Variants in DCDC1 observed in about 807,000 individuals in gnomAD.
The protein encoded by DCDC1 is doublecortin domain containing 1.
DCDC1 carries 200 observed loss-of-function variants against 178.3 expected under a neutral mutation model. That is an observed-to-expected ratio of 1.12 (90% CI 1.00 to 1.26). The LOEUF is 1.26. Ranked by LOEUF, DCDC1 falls within the 50% of genes most tolerant of loss-of-function variation. The pLI is 0.00. For synonymous variants in DCDC1, 690 were observed against 604.8 expected (o/e 1.14, Z -2.07); for missense variants, 1,983 against 1,749.2 (o/e 1.13, Z -2.38).
At chr11:31,157,378 T>C (rs11031300) in intron 9 of DCDC1, among the ~76,000 whole-genome samples, 2 of 139,022 alleles carry the variant, frequency 1.4e-5, no homozygotes, top group African/African-American at 2.6e-5. Context: ...AAAAAATATA[T>C]ATATATATAC....
At chr11:31,141,038 G>C (rs185486937) in intron 9 of DCDC1, among the ~76,000 whole-genome samples, 5 of 152,214 alleles carry the variant, frequency 3.3e-5, no homozygotes, top group Admixed American at 6.5e-5. Context: ...GGACATCCTA[G>C]AGGGGAAAAT....
At chr11:30,938,562 G>T (rs1229499084) in intron 21 of DCDC1, among the ~76,000 whole-genome samples, 1 of 151,918 alleles carries the variant, frequency 6.6e-6, no homozygotes, top group Non-Finnish European at 1.5e-5. Context: ...CTTCTTTGAG[G>T]GGGAACATGG....
intron 8 of DCDC1, among the ~76,000 whole-genome samples, chr11:31,244,956 A>C (rs1412213726): frequency 6.6e-6 from 1 of 151,766 alleles, no homozygotes; most frequent in Non-Finnish European, 1.5e-5. Context: ...AGTGAGCATC[A>C]TAGGTAAACA....
rs773867458 is a variant in DCDC1, at chr11:31,305,652, C to T, written c.717G>A (p.Thr239=). The change falls in exon 6 of 39, where the codon ACG becomes ACA. Residue 239 remains threonine (T), a synonymous_variant. Coordinates refer to ENST00000684477, the MANE Select transcript of DCDC1 (RefSeq NM_001387274.1). Reference sequence around the variant, plus strand: ...TGAATGGATTTAAAAAGGGCTCTCCCGTTGAAACATAAACATCGGCTTCAT... The same window carrying T: ...TGAATGGATTTAAAAAGGGCTCTCCTGTTGAAACATAAACATCGGCTTCAT... ...IPHEADVYVS[T]GEPFLNPFKK... The T allele has an allele frequency of 7.4e-6, 12 of 1,613,586 alleles. No individual in the cohort carries two copies. The Admixed American group carries it at 1.2e-4, about 16-fold the overall frequency.
intron 23 of DCDC1, among the ~76,000 whole-genome samples, chr11:30,924,378 C>G (rs1946463139): frequency 6.6e-6 from 1 of 152,182 alleles, no homozygotes; most frequent in Non-Finnish European, 1.5e-5. Flanking sequence ...TATTTAGGTT[C>G]AGGGCCTCAG....
intron 7 of DCDC1, among the ~76,000 whole-genome samples, chr11:31,278,346 ACT>A (rs1946146155): frequency 6.6e-6 from 1 of 152,060 alleles, no homozygotes; most frequent in Non-Finnish European, 1.5e-5. Context: ...AAAAGGAGAA[ACT>A]CTTGTCATTT....
intron 20 of DCDC1, among the ~76,000 whole-genome samples, chr11:31,059,181 CA>C (rs1955776753): frequency 1.3e-5 from 2 of 152,018 alleles, no homozygotes; most frequent in African/African-American, 4.8e-5. Flanking sequence ...AATTAATGCA[CA>C]TTTATAGACA....
chr11:31,308,089 A>T (rs1465049247), intron 3 of DCDC1, among the ~76,000 whole-genome samples, 181 bp from the exon 4 acceptor site: 3 of 152,178 alleles, frequency 2.0e-5, no homozygotes, highest in African/African-American at 7.2e-5. Context: ...CCCATTTTAC[A>T]GATTTAAGAA....
chr11:31,225,723 A>G (rs1369779978), intron 9 of DCDC1, among the ~76,000 whole-genome samples: 1 of 150,776 alleles, frequency 6.6e-6, no homozygotes, highest in African/African-American at 2.4e-5. Flanking sequence ...ATATATATCT[A>G]TATCTACCTA....
At chr11:30,915,458 A>C in intron 27 of DCDC1, 53 bp downstream of exon 27, 2 of 1,593,418 alleles carry the variant, frequency 1.3e-6, no homozygotes, top group South Asian at 2.2e-5. Flanking sequence ...TGCTAGACTT[A>C]TTAGGATCCT....
chr11:31,164,106 G>A (rs577713770), intron 9 of DCDC1, among the ~76,000 whole-genome samples: 1 of 152,244 alleles, frequency 6.6e-6, no homozygotes, highest in East Asian at 1.9e-4. Flanking sequence ...AAATCTTTAT[G>A]AGAAAGGGCA....
intron 17 of DCDC1, among the ~76,000 whole-genome samples, chr11:31,089,146 A>T (rs2135643649): frequency 6.6e-6 from 1 of 152,274 alleles, no homozygotes; most frequent in East Asian, 1.9e-4. Flanking sequence ...GTTTGTGAAT[A>T]TCTTAAGGTC....
chr11:30,971,213 A>C (rs762351026), intron 20 of DCDC1, among the ~76,000 whole-genome samples: 1 of 152,224 alleles, frequency 6.6e-6, no homozygotes, highest in Non-Finnish European at 1.5e-5. Flanking sequence ...TATGCCAGAT[A>C]TGCAGATATC....
chr11:31,057,543 T>C (rs1489225841), intron 20 of DCDC1, among the ~76,000 whole-genome samples: 1 of 152,060 alleles, frequency 6.6e-6, no homozygotes, highest in Non-Finnish European at 1.5e-5. Flanking sequence ...GCTAAAGCCA[T>C]GCTTCGAAGT....
chr11:31,152,394 G>A (rs1965262013), intron 9 of DCDC1, among the ~76,000 whole-genome samples: 1 of 152,198 alleles, frequency 6.6e-6, no homozygotes, highest in African/African-American at 2.4e-5. Context: ...CTAATGGAAA[G>A]CTAAAAGTCT....
intron 20 of DCDC1, among the ~76,000 whole-genome samples, chr11:31,051,819 A>G (rs1955268462): frequency 6.6e-6 from 1 of 152,222 alleles, no homozygotes; most frequent in Admixed American, 6.5e-5. Context: ...GAACTGCTAA[A>G]AGGAGCTCTA....
At chr11:31,368,898 A>T (rs1433595957) in intron 1 of DCDC1, among the ~76,000 whole-genome samples, 1 of 152,190 alleles carries the variant, frequency 6.6e-6, no homozygotes, top group African/African-American at 2.4e-5. Context: ...TAATAAAAGG[A>T]AACACAGGAA....
chr11:30,998,830 C>A (rs1951414583), intron 20 of DCDC1, among the ~76,000 whole-genome samples: 1 of 151,960 alleles, frequency 6.6e-6, no homozygotes, highest in African/African-American at 2.4e-5. Context: ...TTGCTTCTAG[C>A]AAATAGAGTA....
intron 21 of DCDC1, among the ~76,000 whole-genome samples, chr11:30,949,728 C>G (rs1384729708): frequency 2.0e-5 from 3 of 151,790 alleles, no homozygotes; most frequent in African/African-American, 7.3e-5. Context: ...AGCTGGAAAC[C>G]ATCATTCTCA....
Sources: gnomAD v4.1 joint callset for allele counts (sites outside exome capture counted in the v4.1 genomes callset) on GRCh38, gnomAD v4.1.1 for gene constraint, MANE v1.5 for transcripts, NCBI Gene and HGNC (gene_info 2026-07-23, HGNC 2026-07-21) for gene names.